The following PREX1 variants were observed in gnomAD, a reference collection of about 807,000 sequenced individuals.
The protein encoded by PREX1 is phosphatidylinositol 3,4,5-trisphosphate-dependent Rac exchanger 1 protein.
In PREX1, 41 loss-of-function variants were observed where a neutral mutation model predicts 198.3. The ratio of observed to expected loss-of-function variants is 0.21; its 90% CI spans 0.16 to 0.27. PREX1 has a LOEUF of 0.27. PREX1 is among the 10% of genes least tolerant of loss of function. The pLI is 1.00. For synonymous variants in PREX1, 843 were observed against 887.2 expected, an observed-to-expected ratio of 0.95 and a Z score of 0.89; for missense variants, 1,620 against 2,200.7, an observed-to-expected ratio of 0.74 and a Z score of 5.28.
At chr20:48,657,711 C>T (rs549169630) in intron 17 of PREX1, among the ~76,000 whole-genome samples, 2 of 152,346 alleles carry the variant, frequency 1.3e-5, no homozygotes, top group African/African-American at 4.8e-5. Flanking sequence ...CACCTGCACA[C>T]GCCCCAGGCA....
At chr20:48,796,599 C>CATTTATAT (rs969064670) in intron 1 of PREX1, among the ~76,000 whole-genome samples, 7 of 151,408 alleles carry the variant, frequency 4.6e-5, no homozygotes, top group African/African-American at 1.7e-4. Flanking sequence ...AATGATTACA[C>CATTTATAT]ATTTATATAT....
intron 4 of PREX1, among the ~76,000 whole-genome samples, chr20:48,732,815 A>C (rs1182787252): frequency 6.6e-6 from 1 of 152,180 alleles, no homozygotes; most frequent in East Asian, 1.9e-4. Context: ...AGATGTGTGC[A>C]GCTTCCTGTT....
the PREX1 span, chr20:48,849,392 T>C: frequency 6.6e-6 from 1 of 152,210 alleles, no homozygotes; most frequent in African/African-American, 2.4e-5. Context: ...TGGTGACTCT[T>C]TTTACAAAAA....
chr20:48,682,827 G>A (rs767152382), intron 10 of PREX1, among the ~76,000 whole-genome samples: 79 of 152,350 alleles, frequency 5.2e-4, no homozygotes, highest in Non-Finnish European at 9.4e-4. Flanking sequence ...TGTGTTCAAT[G>A]AAAGCAGGTG....
At chr20:48,711,589 TG>T (rs1403351484) in intron 5 of PREX1, among the ~76,000 whole-genome samples, 1 of 152,158 alleles carries the variant, frequency 6.6e-6, no homozygotes, top group Non-Finnish European at 1.5e-5. Flanking sequence ...CACCCGTTTT[TG>T]TAAAAAAAAG....
chr20:48,730,988 C>T (rs777735487), intron 4 of PREX1, among the ~76,000 whole-genome samples: 30 of 152,020 alleles, frequency 2.0e-4, no homozygotes, highest in Non-Finnish European at 4.1e-4. Context: ...GCAGCGAGAC[C>T]CTATCTCAAA....
chr20:48,664,562 G>A (rs2089621606), intron 15 of PREX1, among the ~76,000 whole-genome samples: 1 of 152,198 alleles, frequency 6.6e-6, no homozygotes, highest in Admixed American at 6.5e-5. Flanking sequence ...AAGGCTCTGA[G>A]GAATGTTCTA....
chr20:48,763,316 C>T (rs1294103285), intron 1 of PREX1, among the ~76,000 whole-genome samples: 2 of 152,202 alleles, frequency 1.3e-5, no homozygotes, highest in East Asian at 3.8e-4. Flanking sequence ...GAAGGAAAAG[C>T]CTCAAGTGAC....
intron 31 of PREX1, among the ~76,000 whole-genome samples, chr20:48,637,464 T>C (rs545928868): frequency 1.3e-5 from 2 of 152,306 alleles, no homozygotes; most frequent in South Asian, 4.1e-4. Flanking sequence ...AACATCGTCC[T>C]CTATCCCGGG....
rs561442647 is a variant in PREX1, at chr20:48,698,572, T to C, written c.917+2181A>G. On this transcript the variant is annotated intron_variant, in intron 7 of 39. Transcript: ENST00000371941. ...CATGAGGGGACAGCAGGACGTGAGA[T>C]AGACAGACCTCAAGGAGTGGGCGAG... Among the ~76,000 whole-genome samples, 13 of 152,034 alleles carry C rather than the reference T, an allele frequency of 8.6e-5. No individual in the cohort carries two copies. In the South Asian group the frequency reaches 2.7e-3, roughly 32 times the overall value.
chr20:48,841,959 C>T, the PREX1 span, among the ~76,000 whole-genome samples: 4 of 152,066 alleles, frequency 2.6e-5, no homozygotes, highest in Non-Finnish European at 5.9e-5. Context: ...CTTTCATTCC[C>T]AGTATTTTTA....
chr20:48,830,438 T>C (rs1389866678), upstream of PREX1, among the ~76,000 whole-genome samples: 1 of 152,218 alleles, frequency 6.6e-6, no homozygotes, highest in Admixed American at 6.5e-5. Flanking sequence ...TGAGAACCAC[T>C]GATGTAAAGT....
At chr20:48,857,571 C>T in the PREX1 span, among the ~76,000 whole-genome samples, 49 of 151,684 alleles carry the variant, frequency 3.2e-4, no homozygotes, top group African/African-American at 9.9e-4. Context: ...AGTTTGAGAC[C>T]AGCCTGGGCA....
chr20:48,773,490 G>A (rs531000836), intron 1 of PREX1, among the ~76,000 whole-genome samples: 1 of 152,270 alleles, frequency 6.6e-6, no homozygotes, highest in East Asian at 1.9e-4. Context: ...CAGAACCTCT[G>A]GGACCTCATT....
At chr20:48,629,305 G>A (rs1191036230) in intron 37 of PREX1, 144 bp downstream of exon 37, 5 of 1,154,186 alleles carry the variant, frequency 4.3e-6, no homozygotes, top group South Asian at 3.0e-5. Context: ...ACAAACTGAG[G>A]TGCAGACAGA....
intron 10 of PREX1, among the ~76,000 whole-genome samples, chr20:48,685,654 C>T (rs1386900088): frequency 6.6e-6 from 1 of 152,194 alleles, no homozygotes; most frequent in East Asian, 1.9e-4. Context: ...AGGCCAGGTG[C>T]AGTGGCTCAC....
chr20:48,821,821 C>T (rs2090486742), intron 1 of PREX1: 1 of 152,192 alleles, frequency 6.6e-6, no homozygotes, highest in Non-Finnish European at 1.5e-5. Context: ...GACACCAACC[C>T]CATTCGCGTC....
the PREX1 span, among the ~76,000 whole-genome samples, chr20:48,875,771 C>T: frequency 6.6e-5 from 10 of 152,080 alleles, no homozygotes; most frequent in Middle Eastern, 3.4e-3. Flanking sequence ...TGTCACGAGG[C>T]GACAGGTGAG....
At position 48,644,493 on chromosome 20, in the gene PREX1, A is replaced by G. The variant is rs1280251709; in HGVS notation, c.3517T>C (p.Cys1173Arg). The G allele has an allele frequency of 6.2e-7, 1 of 1,613,070 alleles. No individual in the cohort carries two copies. Among genetic ancestry groups the G allele is most frequent in the South Asian group, 1.1e-5 (1 of 90,904 alleles). The change falls in exon 27 of 40, where the codon TGT (cysteine) becomes CGT (arginine). Residue 1173 changes from cysteine (C) to arginine (R), a missense_variant. Cys to Arg is a radical substitution (Grantham distance 180). Around this residue, in one of 7 missense-constraint regions of PREX1, gnomAD observed 29 missense variants for 26.1 expected, o/e 1.11. Transcript: ENST00000371941. Reference protein sequence around the residue: ...TMSYRDSYSECNSNRDSVLSY... With the variant: ...TMSYRDSYSERNSNRDSVLSY... ...AGGACCGAGTCTCGATTGCTGTTAC[A>G]CTCGCTGCAAAGGGGCCCAGAGAAG...
Sources: allele counts gnomAD v4.1 joint callset (sites outside exome capture counted in the v4.1 genomes callset), GRCh38; gene constraint gnomAD v4.1.1; regional missense constraint gnomAD v4.1.1; transcripts MANE v1.5; gene names NCBI Gene and HGNC (gene_info 2026-07-23, HGNC 2026-07-21).